Variants in CRELD2 observed in about 807,000 individuals in gnomAD.
CRELD2 encodes the protein CRELD disulfide isomerase 2.
Under a neutral mutation model 48.1 loss-of-function variants are expected in CRELD2, and 33 were observed. The ratio of observed to expected loss-of-function variants is 0.69; its 90% CI spans 0.52 to 0.92. The LOEUF (loss-of-function observed/expected upper bound fraction) is 0.92. Ranked by LOEUF, CRELD2 falls within the 40% of genes least tolerant of loss-of-function variation. The pLI is 0.00. For synonymous variants in CRELD2, 220 were observed against 203.9 expected, an observed-to-expected ratio of 1.08 and a Z score of -0.67; for missense variants, 477 against 482.4, an observed-to-expected ratio of 0.99 and a Z score of 0.10.
In CRELD2 at chr22:49,920,159, G is replaced by A. The variant is rs761246139; in HGVS notation, c.327G>A (p.Lys109=). 1 of 1,604,628 alleles carries A rather than the reference G, an allele frequency of 6.2e-7. No individual in the cohort carries two copies. The highest frequency in any genetic ancestry group is 8.5e-7 in the Non-Finnish European group (1 of 1,171,718). Residue 109 remains lysine (K), a synonymous_variant, in exon 4 of 10, where the codon AAG becomes AAA. Transcript: ENST00000328268. ...GAATGTTTTCCTCCATCCTCAGGAAGAGCGAATATCCTGACTTATTCGAGT... is the reference window on the plus strand; with the variant it reads ...GAATGTTTTCCTCCATCCTCAGGAAAAGCGAATATCCTGACTTATTCGAGT... The part of the protein sequence containing the change: ...EHLEAWWLQL[K]SEYPDLFEWF...
Position 49,918,791 on chromosome 22 carries a change from G to T in CRELD2, c.22G>T (p.Ala8Ser), listed in dbSNP as rs895694670. 4 of 1,304,338 alleles carry T rather than the reference G, an allele frequency of 3.1e-6. No homozygotes were observed. The highest frequency in any genetic ancestry group is 2.0e-5 in the South Asian group (1 of 48,864). The allele number at this position is 1,304,338 out of a possible 1,614,324, so 80.8% of individuals were successfully genotyped here. The change falls in exon 1 of 10, where the codon GCG becomes TCG. Residue 8 changes from alanine to serine, a missense_variant. By Grantham distance (99) the Ala-to-Ser change is moderately conservative. Coordinates refer to ENST00000328268, the MANE Select transcript of CRELD2 (RefSeq NM_024324.5). Reference sequence around the variant, plus strand: ...CGCCATGCGCCTGCCGCGCCGGGCCGCGCTGGGGCTCCTGCCGCTTCTGCT... The same window carrying T: ...CGCCATGCGCCTGCCGCGCCGGGCCTCGCTGGGGCTCCTGCCGCTTCTGCT... MRLPRRA[A>S]LGLLPLLLLL...
At chr22:49,924,581 C>T (rs1569187620) in intron 8 of CRELD2, 126 bp downstream of exon 8, 3 of 643,978 alleles carry the variant, frequency 4.7e-6, no homozygotes, top group Non-Finnish European at 8.2e-6. Flanking sequence ...GTGGCTCCCC[C>T]AGGGTCACTG....
rs1369075955 is a variant in CRELD2 at position 49,919,738 on chromosome 22, G to A, written c.221G>A (p.Arg74His). 4 of 1,607,792 alleles carry A rather than the reference G, an allele frequency of 2.5e-6. No homozygotes were observed. Among genetic ancestry groups the A allele is most frequent in the East Asian group, 2.2e-5 (1 of 44,754 alleles). Residue 74 changes from arginine to histidine, a missense_variant, in exon 3 of 10, where the codon CGC becomes CAC. By Grantham distance (29) the Arg-to-His change is conservative. Coordinates refer to ENST00000328268, the MANE Select transcript of CRELD2 (RefSeq NM_024324.5). ...GTGGGCCTGTGTTTCAGCGAGATTC[G>A]CCTGCTGGAGATCCTGGAGGGGCTG... ...TLSKYESSEI[R>H]LLEILEGLCE...
At chr22:49,923,207 G>A (rs372911782) in intron 6 of CRELD2, 27 bp from the exon 7 acceptor site, 48 of 1,534,328 alleles carry the variant, frequency 3.1e-5, no homozygotes, top group Middle Eastern at 1.9e-4. Context: ...GTCCTGGGCC[G>A]CTCACAGCTG....
chr22:49,921,738 A>G lies in CRELD2; in HGVS notation c.569A>G (p.Asn190Ser), dbSNP rs201818846. 9.3e-6 allele frequency: 15 copies of G among 1,612,274 alleles called. No homozygotes were observed. The East Asian group carries it at 3.1e-4, about 34-fold the overall frequency. Reference protein sequence around the residue: ...CMDGYFSSLRNETHSICTACD... With the variant: ...CMDGYFSSLRSETHSICTACD... ...GACGGCTACTTCAGCTCGCTCCGGA[A>G]CGAGACCCACAGCATCTGCACAGGT... The change falls in exon 5 of 10, where the codon AAC becomes AGC. Residue 190 changes from asparagine to serine, a missense_variant. Physicochemically the swap from Asn to Ser is conservative, Grantham distance 46. Coordinates refer to ENST00000328268, the MANE Select transcript of CRELD2 (RefSeq NM_024324.5).
intron 8 of CRELD2, chr22:49,925,000 G>A (rs193164989): frequency 0.014 from 2,287 of 162,444 alleles, 36 homozygotes; most frequent in South Asian, 0.066. Flanking sequence ...GCGTGGTGGC[G>A]GGCGCCTGTA....
rs2060749854 is a variant in CRELD2 at position 49,925,398 on chromosome 22, C to T, written c.869-19C>T. The T allele has an allele frequency of 6.7e-6, 10 of 1,487,808 alleles. No homozygotes were observed. The highest frequency in any genetic ancestry group is 2.3e-5 in the East Asian group (1 of 43,918). The allele number at this position is 1,487,808 out of a possible 1,614,324, so 92.2% of individuals were successfully genotyped here. On this transcript the variant is annotated intron_variant, in intron 8 of 9. Transcript: ENST00000328268. Reference sequence around the variant, plus strand: ...CTGCTGAGCAAAGTAATTATTAAAACGGAGTCTTTTCATTTTAGATGTGGA... The same window carrying T: ...CTGCTGAGCAAAGTAATTATTAAAATGGAGTCTTTTCATTTTAGATGTGGA...
Position 49,923,332 on chromosome 22 carries a change from C to CAGGTCTGCACTCCG in CRELD2, c.772+15_772+16insAGGTCTGCACTCCG, listed in dbSNP as rs2060721872. On this transcript the variant is annotated intron_variant, in intron 7 of 9. Coordinates refer to ENST00000328268, the MANE Select transcript of CRELD2 (RefSeq NM_024324.5). ...CACGTGCGAAGGTGGGCCAGGCGGG[C>CAGGTCTGCACTCCG]GGGTCTGCACTCCGGGGCCTGCCGG... The CAGGTCTGCACTCCG allele has an allele frequency of 2.9e-6, 4 of 1,382,978 alleles. No homozygotes were observed. Among genetic ancestry groups the CAGGTCTGCACTCCG allele is most frequent in the African/African-American group, 4.2e-5 (2 of 47,508 alleles). The allele number at this position is 1,382,978 out of a possible 1,614,324, so 85.7% of individuals were successfully genotyped here. A position where few individuals can be genotyped will look rare whatever the true frequency, so the allele number is the denominator to read the frequency against.
intron 9 of CRELD2, 91 bp downstream of exon 9, chr22:49,925,648 A>G (rs752174446): frequency 6.3e-7 from 1 of 1,582,722 alleles, no homozygotes; most frequent in Non-Finnish European, 8.6e-7. Context: ...AAATCCACAC[A>G]GATGGTGGCC....
At position 49,924,431 on chromosome 22, in the gene CRELD2, G is replaced by A. The variant is rs201048713; in HGVS notation, c.844G>A (p.Ala282Thr). 1.8e-5 allele frequency: 29 copies of A among 1,610,468 alleles called. No individual in the cohort carries two copies. Among genetic ancestry groups the A allele is most frequent in the Middle Eastern group, 1.7e-4 (1 of 6,058 alleles). The change falls in exon 8 of 10, where the codon GCG becomes ACG. Residue 282 changes from alanine to threonine, a missense_variant. Coordinates refer to ENST00000328268, the MANE Select transcript of CRELD2 (RefSeq NM_024324.5). ...GNCKECISGY[A>T]REHGQCADVD... ...CTGTAAAGAGTGTATCTCTGGCTAC[G>A]CGAGGGAGCACGGACAGTGTGCAGG...
intron 7 of CRELD2, 192 bp downstream of exon 7, chr22:49,923,509 C>A: frequency 1.4e-6 from 1 of 695,292 alleles, no homozygotes; most frequent in Non-Finnish European, 2.6e-6. Context: ...GAAAAGAAAA[C>A]AGTTAAAAAC....
intron 3 of CRELD2, 93 bp from the exon 4 acceptor site, chr22:49,920,063 C>T (rs1032881369): frequency 2.0e-5 from 18 of 886,576 alleles, no homozygotes; most frequent in Non-Finnish European, 3.0e-5. Flanking sequence ...CTGGACCTTA[C>T]AATACTCCAG....
In CRELD2 at chr22:49,921,700, C is replaced by T; in HGVS notation, c.531C>T (p.Cys177=). 1 of 1,612,948 alleles carries T rather than the reference C, an allele frequency of 6.2e-7. No homozygotes were observed. The highest frequency in any genetic ancestry group is 2.2e-5 in the East Asian group (1 of 44,886). The change falls in exon 5 of 10, where the codon TGC becomes TGT. Residue 177 remains cysteine, a synonymous_variant. Coordinates refer to ENST00000328268, the MANE Select transcript of CRELD2 (RefSeq NM_024324.5). The stretch of plus-strand genomic sequence containing the variant: ...ACATGGGGTACCAGGGCCCGCTGTG[C>T]ACTGACTGCATGGACGGCTACTTCA... ...RCHMGYQGPL[C]TDCMDGYFSS... is the part of the protein sequence containing the mutation.
Position 49,920,232 on chromosome 22 carries a change from G to T in CRELD2, c.400G>T (p.Gly134Cys), listed in dbSNP as rs114332575. ...LKVCCSPGTYGPDCLACQGGS... is the reference protein window; with the variant it reads ...LKVCCSPGTYCPDCLACQGGS... ...AGTGTGCTGCTCTCCAGGAACCTAC[G>T]GTCCCGACTGTCTCGGTGCGTTTCT... Residue 134 changes from glycine to cysteine, a missense_variant, in exon 4 of 10, where the codon GGT (glycine) becomes TGT (cysteine). By Grantham distance (159) the Gly-to-Cys change is radical (BLOSUM62 -3). Coordinates refer to ENST00000328268, the MANE Select transcript of CRELD2 (RefSeq NM_024324.5). 9 of 1,610,616 alleles carry T rather than the reference G, an allele frequency of 5.6e-6. No individual in the cohort carries two copies. The highest frequency in any genetic ancestry group is 6.8e-6 in the Non-Finnish European group (8 of 1,177,618).
rs374098759 is a variant in CRELD2, at chr22:49,927,489, T to G, written c.*182T>G. ...TGTTCTTAAACAGACTTGTATATTT[T>G]GATACAGTTCTTTGTAATAAAATTG... On this transcript the variant is annotated 3_prime_UTR_variant, in exon 10 of 10. Coordinates refer to ENST00000328268, the MANE Select transcript of CRELD2 (RefSeq NM_024324.5). 2,674 of 611,862 alleles carry G rather than the reference T, an allele frequency of 4.4e-3. 105 individuals are homozygous for G. The South Asian group carries it at 0.05, about 11-fold the overall frequency. The allele number at this position is 611,862 out of a possible 1,614,324, so 37.9% of individuals were successfully genotyped here.
At position 49,922,032 on chromosome 22, in the gene CRELD2, G is replaced by A. The variant is rs565984036; in HGVS notation, c.592+271G>A. On this transcript the variant is annotated intron_variant, in intron 5 of 9. Coordinates refer to ENST00000328268, the MANE Select transcript of CRELD2 (RefSeq NM_024324.5). Reference sequence around the variant, plus strand: ...TCCACCCCGACCTTGAGTTGTGATGGGCCATGCAGTGCACAGGTCCTGGAG... The same window carrying A: ...TCCACCCCGACCTTGAGTTGTGATGAGCCATGCAGTGCACAGGTCCTGGAG... 4 of 598,582 alleles carry A rather than the reference G, an allele frequency of 6.7e-6. No homozygotes were observed. In the Admixed American group the frequency reaches 1.2e-4, roughly 19 times the overall value. The allele number at this position is 598,582 out of a possible 1,614,324, so 37.1% of individuals were successfully genotyped here.
At chr22:49,921,787 C>T (rs764429242) in intron 5 of CRELD2, 26 bp downstream of exon 5, 17 of 1,588,720 alleles carry the variant, frequency 1.1e-5, no homozygotes, top group Admixed American at 5.1e-5. Flanking sequence ...GGGCTGGCCC[C>T]GGGGTTGAGG....
chr22:49,926,621 C>CCGGG (rs2060767328), intron 9 of CRELD2: 2 of 123,232 alleles, frequency 1.6e-5, no homozygotes, highest in Non-Finnish European at 3.5e-5. Context: ...TCCCCCCACC[C>CCGGG]TCGGTCCCCT....
In CRELD2 at chr22:49,918,858, C is replaced by T. The variant is rs1251442053; in HGVS notation, c.89C>T (p.Pro30Leu). The change falls in exon 1 of 10, where the codon CCC becomes CTC. Residue 30 changes from proline (P) to leucine (L), a missense_variant. Transcript: ENST00000328268. ...CCGGAGGCCGCCAAGAAGCCGACGCCCTGCCACCGGTGCCGGGGGCTGGTG... is the reference window on the plus strand; with the variant it reads ...CCGGAGGCCGCCAAGAAGCCGACGCTCTGCCACCGGTGCCGGGGGCTGGTG... ...PAPEAAKKPT[P>L]CHRCRGLVDK... 3.4e-5 allele frequency: 44 copies of T among 1,312,528 alleles called. No homozygotes were observed. Among genetic ancestry groups the T allele is most frequent in the Non-Finnish European group, 4.1e-5 (42 of 1,033,548 alleles). 81.3% of individuals were successfully genotyped at this position (1,312,528 alleles called of 1,614,324 possible). A position where few individuals can be genotyped will look rare whatever the true frequency, so the allele number is the denominator to read the frequency against.
Sources: allele counts gnomAD v4.1 joint callset, GRCh38; gene constraint gnomAD v4.1.1; transcripts MANE v1.5; gene names NCBI Gene and HGNC (gene_info 2026-07-23, HGNC 2026-07-21).